ACTN4: variants seen among roughly 807,000 people sequenced by gnomAD.
ACTN4 encodes alpha-actinin-4.
In ACTN4, 18 loss-of-function variants were observed where a neutral mutation model predicts 114.2. The observed-to-expected ratio is 0.16, with a 90% CI of 0.11 to 0.23. ACTN4 has a LOEUF of 0.23. Ranked by LOEUF, ACTN4 falls within the 10% of genes least tolerant of loss-of-function variation. The pLI, the probability that ACTN4 is intolerant of heterozygous loss-of-function variation, is 1.00. For missense variants in ACTN4, 722 were observed against 1,262.9 expected, an observed-to-expected ratio of 0.57 and a Z score of 6.49; for synonymous variants, 515 against 506.3, an observed-to-expected ratio of 1.02 and a Z score of -0.23.
chr19:38,675,157 T>G (rs948344414), intron 1 of ACTN4, among the ~76,000 whole-genome samples: 3 of 152,202 alleles, frequency 2.0e-5, no homozygotes, highest in African/African-American at 7.2e-5. Flanking sequence ...CCAGGCACAT[T>G]CCTTTGTAGA....
intron 1 of ACTN4, among the ~76,000 whole-genome samples, chr19:38,683,128 T>C (rs1024164132): frequency 6.6e-6 from 1 of 152,110 alleles, no homozygotes; most frequent in Non-Finnish European, 1.5e-5. Flanking sequence ...GAGCAGTGAG[T>C]CTCCCCCTTG....
chr19:38,730,851 C>T lies in ACTN4; in HGVS notation c.*1419C>T. On this transcript the variant is annotated 3_prime_UTR_variant, in exon 21 of 21. Transcript: ENST00000252699. Reference sequence around the variant, plus strand: ...GCAGCAGGTGCGCCCATCCGGAGATCCTAGGAGAAGGTGGCCACCTCCATC... The same window carrying T: ...GCAGCAGGTGCGCCCATCCGGAGATTCTAGGAGAAGGTGGCCACCTCCATC... The T allele has an allele frequency of 6.4e-7, 1 of 1,551,186 alleles. No homozygotes were observed. The highest frequency in any genetic ancestry group is 8.7e-7 in the Non-Finnish European group (1 of 1,147,300).
chr19:38,688,390 CAAA>C (rs35793948), intron 1 of ACTN4, among the ~76,000 whole-genome samples: 127 of 81,128 alleles, frequency 1.6e-3, no homozygotes, highest in Middle Eastern at 8.1e-3. Context: ...TTGTCTCTAC[CAAA>C]AAAAAAAAAA....
At chr19:38,686,127 T>C (rs1967734526) in intron 1 of ACTN4, among the ~76,000 whole-genome samples, 1 of 152,162 alleles carries the variant, frequency 6.6e-6, no homozygotes, top group Non-Finnish European at 1.5e-5. Context: ...AGGACGGGTG[T>C]GTAGCACTTG....
chr19:38,680,815 A>T (rs1215935348), intron 1 of ACTN4, among the ~76,000 whole-genome samples: 1 of 152,054 alleles, frequency 6.6e-6, no homozygotes, highest in Non-Finnish European at 1.5e-5. Context: ...TCAGGACCAT[A>T]TAGTGAGGGT....
chr19:38,691,313 A>G (rs371314541), intron 1 of ACTN4, among the ~76,000 whole-genome samples: 1 of 151,582 alleles, frequency 6.6e-6, no homozygotes, highest in East Asian at 1.9e-4. Flanking sequence ...AGGCCAGAGA[A>G]TAGCTTGAAC....
At chr19:38,672,534 C>A (rs1433429350) in intron 1 of ACTN4, among the ~76,000 whole-genome samples, 1 of 151,798 alleles carries the variant, frequency 6.6e-6, no homozygotes, top group African/African-American at 2.4e-5. Flanking sequence ...AGCTACCACA[C>A]CCTGCCAAGG....
At chr19:38,671,055 T>C (rs986179460) in intron 1 of ACTN4, among the ~76,000 whole-genome samples, 2 of 152,150 alleles carry the variant, frequency 1.3e-5, no homozygotes, top group African/African-American at 4.8e-5. Flanking sequence ...CCTTTCCTCT[T>C]GTCTGAATTG....
In ACTN4 at chr19:38,731,287, AC is replaced by A; in HGVS notation, c.*1859del. The A allele has an allele frequency of 8.0e-7, 1 of 1,251,736 alleles. No individual in the cohort carries two copies. Among genetic ancestry groups the A allele is most frequent in the Non-Finnish European group, 1.2e-6 (1 of 857,514 alleles). The allele number at this position is 1,251,736 out of a possible 1,614,324, so 77.5% of individuals were successfully genotyped here. On this transcript the variant is annotated 3_prime_UTR_variant, in exon 21 of 21. Coordinates refer to ENST00000252699, the MANE Select transcript of ACTN4 (RefSeq NM_004924.6). ...GAACCCACCTTGGCATTGCATCCCCACCCCACCTCCTCAGGGAGGACATGAA... is the reference window on the plus strand; with the variant it reads ...GAACCCACCTTGGCATTGCATCCCCACCCACCTCCTCAGGGAGGACATGAA...
intron 1 of ACTN4, among the ~76,000 whole-genome samples, chr19:38,673,690 AT>A (rs1555826386): frequency 1.5e-5 from 1 of 68,556 alleles, no homozygotes; most frequent in Non-Finnish European, 2.7e-5. Context: ...ATTTATATAT[AT>A]TATATATATT....
chr19:38,666,228 C>G (rs555684075), intron 1 of ACTN4, among the ~76,000 whole-genome samples: 2 of 151,976 alleles, frequency 1.3e-5, no homozygotes, highest in African/African-American at 4.8e-5. Flanking sequence ...CCCTGTCCCC[C>G]CCAAAAGCAA....
Position 38,708,186 on chromosome 19 carries a change from G to A in ACTN4, c.642G>A (p.Lys214=), listed in dbSNP as rs370406549. ...RHRPELIEYD[K]LRKDDPVTNL... ...GACCAGAGCTGATTGAGTATGACAA[G>A]CTGAGGAAGGTGAGTGTCTCCAGCT... The change falls in exon 6 of 21, where the codon AAG becomes AAA. Residue 214 remains lysine, a synonymous_variant. Coordinates refer to ENST00000252699, the MANE Select transcript of ACTN4 (RefSeq NM_004924.6). 6.2e-7 allele frequency: 1 copy of A among 1,614,084 alleles called. No individual in the cohort carries two copies. The highest frequency in any genetic ancestry group is 1.3e-5 in the African/African-American group (1 of 74,932).
At chr19:38,668,229 T>G (rs2144872415) in intron 1 of ACTN4, among the ~76,000 whole-genome samples, 1 of 152,318 alleles carries the variant, frequency 6.6e-6, no homozygotes, top group Middle Eastern at 3.4e-3. Flanking sequence ...AGAAGGAAGT[T>G]TGAAGATTAA....
At chr19:38,698,035 TCCA>T (rs1196942766) in intron 1 of ACTN4, among the ~76,000 whole-genome samples, 2 of 151,898 alleles carry the variant, frequency 1.3e-5, no homozygotes, top group Non-Finnish European at 2.9e-5. Context: ...GCATGCAACA[TCCA>T]ATAAGACTAA....
At chr19:38,655,228 G>A (rs1210395542) in intron 1 of ACTN4, among the ~76,000 whole-genome samples, 2 of 152,076 alleles carry the variant, frequency 1.3e-5, no homozygotes, top group East Asian at 1.9e-4. Flanking sequence ...ATAATAGAAG[G>A]AAACTGCAAA....
chr19:38,731,321 G>C lies in ACTN4; in HGVS notation c.*1889G>C, dbSNP rs919386992. 24 of 897,204 alleles carry C rather than the reference G, an allele frequency of 2.7e-5. No homozygotes were observed. In the African/African-American group the frequency reaches 3.9e-4, roughly 15 times the overall value. 55.6% of individuals were successfully genotyped at this position (897,204 alleles called of 1,614,324 possible). On this transcript the variant is annotated 3_prime_UTR_variant, in exon 21 of 21. Transcript: ENST00000252699. Reference sequence around the variant, plus strand: ...CCTCAGGGAGGACATGAATGCCACAGGGTGTCACACCCCAACTCTGCCCCA... The same window carrying C: ...CCTCAGGGAGGACATGAATGCCACACGGTGTCACACCCCAACTCTGCCCCA...
rs1453130641 is a variant in ACTN4 at position 38,727,138 on chromosome 19, C to T, written c.2337+35C>T. ...CTGCCACCTCCTCGGCCTCTCCCCT[C>T]CCGCCGTTGCCGTACCAGCCCACAC... On this transcript the variant is annotated intron_variant, in intron 18 of 20. Coordinates refer to ENST00000252699, the MANE Select transcript of ACTN4 (RefSeq NM_004924.6). This position sits in a 1 kb window ranked among gnomAD's most constrained non-coding sequence, Gnocchi z 5.4. 1.2e-6 allele frequency: 2 copies of T among 1,613,118 alleles called. No homozygotes were observed. The highest frequency in any genetic ancestry group is 1.3e-5 in the African/African-American group (1 of 74,928).
chr19:38,728,119 C>A, intron 19 of ACTN4, 93 bp downstream of exon 19: 1 of 1,459,596 alleles, frequency 6.9e-7, no homozygotes, highest in South Asian at 1.2e-5. Flanking sequence ...CCACCCCTGC[C>A]ATCCTGTGTG....
chr19:38,707,803 A>C (rs1415441207), intron 5 of ACTN4, among the ~76,000 whole-genome samples: 1 of 152,112 alleles, frequency 6.6e-6, no homozygotes, highest in Non-Finnish European at 1.5e-5. Context: ...CCAAGCATTT[A>C]CTCATTTAAT....
Sources: allele counts gnomAD v4.1 joint callset (sites outside exome capture counted in the v4.1 genomes callset), GRCh38; gene constraint gnomAD v4.1.1; non-coding constraint Gnocchi (gnomAD v3.1); transcripts MANE v1.5; gene names NCBI Gene and HGNC (gene_info 2026-07-23, HGNC 2026-07-21).